Variants in GABBR1 observed in about 807,000 individuals in gnomAD.
GABBR1 encodes the protein GABA-B receptor, R1 subunit.
In GABBR1, 35 loss-of-function variants were observed where a neutral mutation model predicts 117.7. The ratio of observed to expected loss-of-function variants is 0.30; its 90% CI spans 0.23 to 0.39. The LOEUF (loss-of-function observed/expected upper bound fraction) is 0.39, where lower values mean the gene tolerates loss of function less well. Ranked by LOEUF, GABBR1 falls within the 10% of genes least tolerant of loss-of-function variation. The pLI is 1.00. For synonymous variants in GABBR1, 442 were observed against 486.6 expected (o/e 0.91, Z 1.21); for missense variants, 709 against 1,241.8 (o/e 0.57, Z 6.45).
intron 5 of GABBR1, chr6:29,628,088 C>A (rs1236575753): frequency 5.4e-6 from 2 of 367,150 alleles, no homozygotes; most frequent in South Asian, 1.3e-4. Flanking sequence ...ACGGGCGGCG[C>A]GCGGCAGCGG....
chr6:29,628,919 G>A (rs1467862856), intron 5 of GABBR1, among the ~76,000 whole-genome samples, 168 bp downstream of exon 5: 1 of 151,780 alleles, frequency 6.6e-6, no homozygotes, highest in Non-Finnish European at 1.5e-5. Context: ...CGGGACTGGA[G>A]GCAGGAAACA....
At chr6:29,629,379 G>A in intron 4 of GABBR1, 1 of 617,604 alleles carries the variant, frequency 1.6e-6, no homozygotes, top group East Asian at 2.8e-5. Context: ...TTGGTTCTGT[G>A]GTGCCTGAAT....
At chr6:29,608,400 C>T (rs1762176737) in intron 16 of GABBR1, 1 of 565,308 alleles carries the variant, frequency 1.8e-6, no homozygotes, top group Non-Finnish European at 3.1e-6. Context: ...AAGTAAACTA[C>T]AGAATGAAAA....
chr6:29,615,886 G>A (rs1053305034), intron 11 of GABBR1, among the ~76,000 whole-genome samples: 9 of 151,976 alleles, frequency 5.9e-5, no homozygotes, highest in African/African-American at 2.2e-4. Context: ...GGCCAACATG[G>A]TGAAACCCTG....
At position 29,611,622 on chromosome 6, in the gene GABBR1, A is replaced by G. The variant is rs1437748689; in HGVS notation, c.1631-621T>C. ...TTGTCCTGGATACAAAGAGGAGCTG[A>G]AAGGATGTGGAGGTGGGGAGAAAGG... On this transcript the variant is annotated intron_variant, in intron 13 of 22. Coordinates refer to ENST00000377034, the MANE Select transcript of GABBR1 (RefSeq NM_001470.4). The surrounding 1 kb of genome is among the most constrained non-coding windows in gnomAD (Gnocchi z 4.6). Among the ~76,000 whole-genome samples the G allele has an allele frequency of 6.6e-6, 1 of 152,178 alleles. No homozygotes were observed. Among genetic ancestry groups the G allele is most frequent in the Non-Finnish European group, 1.5e-5 (1 of 68,026 alleles).
Position 29,621,269 on chromosome 6 carries a change from C to G in GABBR1, c.1155G>C (p.Gly385=), listed in dbSNP as rs1763723878. 1 of 1,612,816 alleles carries G rather than the reference C, an allele frequency of 6.2e-7. No individual in the cohort carries two copies. The highest frequency in any genetic ancestry group is 8.5e-7 in the Non-Finnish European group (1 of 1,179,942). The change falls in exon 11 of 23, where the codon GGG becomes GGC. Residue 385 remains glycine, a synonymous_variant. Coordinates refer to ENST00000377034, the MANE Select transcript of GABBR1 (RefSeq NM_001470.4). The surrounding 1 kb of genome is among the most constrained non-coding windows in gnomAD (Gnocchi z 5.0). The stretch of plus-strand genomic sequence containing the variant: ...CAATGAGGAACCAGACGTACTTCTT[C>G]CCAAAGAGACGCTCCTTGTACACCT... ...FCEVYKERLF[G]KKYVWFLIGW... is the part of the protein sequence containing the mutation.
At position 29,621,747 on chromosome 6, in the gene GABBR1, T is replaced by G. The variant is rs1296316648; in HGVS notation, c.1131+5A>C. Reference sequence around the variant, plus strand: ...GTGCCCCTCCCTCTTCAGATCCAACTCCACCTCACAAAAAACTTTCCGGGC... The same window carrying G: ...GTGCCCCTCCCTCTTCAGATCCAACGCCACCTCACAAAAAACTTTCCGGGC... On this transcript the variant is annotated splice_donor_5th_base_variant and intron_variant, in intron 10 of 22. Transcript: ENST00000377034. The surrounding 1 kb of genome is among the most constrained non-coding windows in gnomAD (Gnocchi z 5.0). 6.2e-7 allele frequency: 1 copy of G among 1,611,482 alleles called. No individual in the cohort carries two copies. The highest frequency in any genetic ancestry group is 8.5e-7 in the Non-Finnish European group (1 of 1,177,908).
intron 5 of GABBR1, 119 bp downstream of exon 5, chr6:29,628,968 T>G: frequency 3.5e-6 from 4 of 1,151,908 alleles, no homozygotes; most frequent in Non-Finnish European, 3.9e-6. Flanking sequence ...CTGGGGTGGG[T>G]TGGGGAAGGT....
chr6:29,614,597 A>G (rs989893607), intron 11 of GABBR1, among the ~76,000 whole-genome samples: 8 of 152,220 alleles, frequency 5.3e-5, no homozygotes, highest in African/African-American at 1.9e-4. Flanking sequence ...TGAAGATGCA[A>G]TGGGCCTAGG....
chr6:29,618,561 G>A (rs966479915), intron 11 of GABBR1, among the ~76,000 whole-genome samples: 1 of 152,156 alleles, frequency 6.6e-6, no homozygotes, highest in African/African-American at 2.4e-5. Context: ...GGGCTAAAAT[G>A]TATATCTTGA....
At position 29,602,487 on chromosome 6, in the gene GABBR1, G is replaced by GT. The variant is rs1473874832; in HGVS notation, c.*1055dup. 1 of 157,040 alleles carries GT rather than the reference G, an allele frequency of 6.4e-6. No individual in the cohort carries two copies. The highest frequency in any genetic ancestry group is 1.4e-5 in the Non-Finnish European group (1 of 70,552). The allele number at this position is 157,040 out of a possible 1,614,324, so 9.7% of individuals were successfully genotyped here. Reference sequence around the variant, plus strand: ...GGAGCAGTCTTGGGAGAAGATGATTGTGAGTGTAGACTGAGGGTAGTACAT... The same window carrying GT: ...GGAGCAGTCTTGGGAGAAGATGATTGTTGAGTGTAGACTGAGGGTAGTACAT... On this transcript the variant is annotated 3_prime_UTR_variant, in exon 23 of 23. Coordinates refer to ENST00000377034, the MANE Select transcript of GABBR1 (RefSeq NM_001470.4).
Position 29,604,950 on chromosome 6 carries a change from C to T in GABBR1, c.2478G>A (p.Leu826=). ...CAAAGGCTGCATCCTGCTGGCTGGA[C>T]AGAATCATGGTGACAGGAGCAGTGA... is the stretch of plus-strand genomic sequence containing the variant. The part of the protein sequence containing the change: ...CLITAPVTMI[L]SSQQDAAFAF... The change falls in exon 21 of 23, where the codon CTG becomes CTA. Residue 826 remains leucine (L), a synonymous_variant. Transcript: ENST00000377034. This position sits in a 1 kb window ranked among gnomAD's most constrained non-coding sequence, Gnocchi z 5.3. 6.2e-7 allele frequency: 1 copy of T among 1,612,948 alleles called. No individual in the cohort carries two copies. Among genetic ancestry groups the T allele is most frequent in the Non-Finnish European group, 8.5e-7 (1 of 1,179,952 alleles).
Position 29,609,169 on chromosome 6 carries a change from C to A in GABBR1, c.1859+60G>T. 1 of 1,532,794 alleles carries A rather than the reference C, an allele frequency of 6.5e-7. No individual in the cohort carries two copies. The allele number at this position is 1,532,794 out of a possible 1,614,324, so 94.9% of individuals were successfully genotyped here. A position where few individuals can be genotyped will look rare whatever the true frequency, so the allele number is the denominator to read the frequency against. ...ACACAGGTTTTATTCTCATCCTGTC[C>A]AGGAACATGATCAGTATCTCAGAGA... On this transcript the variant is annotated intron_variant, in intron 15 of 22. Transcript: ENST00000377034. This position sits in a 1 kb window ranked among gnomAD's most constrained non-coding sequence, Gnocchi z 4.3.
Position 29,609,369 on chromosome 6 carries a change from G to C in GABBR1, c.1719C>G (p.Pro573=), listed in dbSNP as rs770415598. 3 of 1,612,952 alleles carry C rather than the reference G, an allele frequency of 1.9e-6. No homozygotes were observed. Among genetic ancestry groups the C allele is most frequent in the Admixed American group, 1.7e-5 (1 of 60,022 alleles). Residue 573 remains proline, a synonymous_variant, in exon 15 of 23, where the codon CCC becomes CCG. Coordinates refer to ENST00000377034, the MANE Select transcript of GABBR1 (RefSeq NM_001470.4). This position sits in a 1 kb window ranked among gnomAD's most constrained non-coding sequence, Gnocchi z 4.3. The stretch of plus-strand genomic sequence containing the variant: ...TGATGACCAGGGTCTGGTCAGCTGG[G>C]GGGGACCCTCCTGCATGGCACAGGG... ...SKTDKWIGGS[P]PADQTLVIKT...
chr6:29,608,928 G>C (rs2127399467), intron 15 of GABBR1, among the ~76,000 whole-genome samples, 195 bp from the exon 16 acceptor site: 1 of 152,336 alleles, frequency 6.6e-6, no homozygotes, highest in East Asian at 1.9e-4. Flanking sequence ...TGGAGTTGCA[G>C]AGGGCTTCCC....
At position 29,609,065 on chromosome 6, in the gene GABBR1, G is replaced by C. The variant is rs528119097; in HGVS notation, c.1859+164C>G. Among the ~76,000 whole-genome samples the C allele has an allele frequency of 3.3e-5, 5 of 152,254 alleles. No individual in the cohort carries two copies. The East Asian group carries it at 9.6e-4, about 29-fold the overall frequency. On this transcript the variant is annotated intron_variant, in intron 15 of 22. Transcript: ENST00000377034. The surrounding 1 kb of genome is among the most constrained non-coding windows in gnomAD (Gnocchi z 4.3). The stretch of plus-strand genomic sequence containing the variant: ...CCGTTAGCTACTTTGGAGTAGGAGT[G>C]GGGGTTATATCTGGTTTCCCTGTTT...
chr6:29,602,757 A>G lies in GABBR1; in HGVS notation c.*786T>C. ...TGTGCAAATAGGAAAGACATGACTC[A>G]GCATGCTAGACAAATTGCACATGCC... On this transcript the variant is annotated 3_prime_UTR_variant, in exon 23 of 23. Transcript: ENST00000377034. The G allele has an allele frequency of 2.9e-6, 1 of 345,812 alleles. No homozygotes were observed. The highest frequency in any genetic ancestry group is 2.2e-5 in the South Asian group (1 of 44,848). The allele number at this position is 345,812 out of a possible 1,614,324, so 21.4% of individuals were successfully genotyped here.
In GABBR1 at chr6:29,627,872, G is replaced by T. The variant is rs1448886102; in HGVS notation, c.497-226C>A. 2.9e-6 allele frequency: 4 copies of T among 1,370,582 alleles called. No homozygotes were observed. In the African/African-American group the frequency reaches 6.1e-5, roughly 21 times the overall value. 84.9% of individuals were successfully genotyped at this position (1,370,582 alleles called of 1,614,324 possible). Reference sequence around the variant, plus strand: ...TTTCCTGGGGAGGGCTGCTAAGAGGGTGCCGGGGAGGCGCCTCCATCCCTG... The same window carrying T: ...TTTCCTGGGGAGGGCTGCTAAGAGGTTGCCGGGGAGGCGCCTCCATCCCTG... On this transcript the variant is annotated intron_variant, in intron 5 of 22. Coordinates refer to ENST00000377034, the MANE Select transcript of GABBR1 (RefSeq NM_001470.4). This position sits in a 1 kb window ranked among gnomAD's most constrained non-coding sequence, Gnocchi z 4.4.
In GABBR1 at chr6:29,612,490, G is replaced by A. The variant is rs143018434; in HGVS notation, c.1630+61C>T. 2.0e-4 allele frequency: 294 copies of A among 1,441,262 alleles called. 2 individuals carry two copies. Among genetic ancestry groups the A allele is most frequent in the Middle Eastern group, 1.2e-3 (7 of 5,678 alleles). 89.3% of individuals were successfully genotyped at this position (1,441,262 alleles called of 1,614,324 possible). A position where few individuals can be genotyped will look rare whatever the true frequency, so the allele number is the denominator to read the frequency against. On this transcript the variant is annotated intron_variant, in intron 13 of 22. Coordinates refer to ENST00000377034, the MANE Select transcript of GABBR1 (RefSeq NM_001470.4). ...TGTCTCTGGCATTCTTCCCCAGGGGGCATCCCAGCCCAGCCCCAGCCTAGC... is the reference window on the plus strand; with the variant it reads ...TGTCTCTGGCATTCTTCCCCAGGGGACATCCCAGCCCAGCCCCAGCCTAGC...
Sources: gnomAD v4.1 joint callset for allele counts (sites outside exome capture counted in the v4.1 genomes callset) on GRCh38, gnomAD v4.1.1 for gene constraint, Gnocchi (gnomAD v3.1) non-coding constraint, MANE v1.5 for transcripts, NCBI Gene and HGNC (gene_info 2026-07-23, HGNC 2026-07-21) for gene names.